The following PCDHGA5 variants were observed in gnomAD, a reference collection of about 807,000 sequenced individuals.
PCDHGA5 encodes protocadherin gamma-A5.
A neutral mutation model predicts 56.7 loss-of-function variants in PCDHGA5; 36 were observed. The ratio of observed to expected loss-of-function variants is 0.64; its 90% CI spans 0.49 to 0.84. The LOEUF is 0.84. Ranked by LOEUF, PCDHGA5 falls within the 40% of genes least tolerant of loss-of-function variation. The probability of loss-of-function intolerance (pLI) is 0.00; values close to 1 mark genes in which losing one functional copy is unlikely to be tolerated. For missense variants in PCDHGA5, 1,305 were observed against 1,201.5 expected (o/e 1.09, Z -1.27); for synonymous variants, 563 against 520.2 (o/e 1.08, Z -1.12).
intron 1 of PCDHGA5, chr5:141,397,890 A>G: frequency 3.2e-6 from 2 of 628,782 alleles, no homozygotes; most frequent in Non-Finnish European, 5.3e-6. Context: ...GCTGTTGGCC[A>G]AAGTGCAGAG....
chr5:141,426,629 T>G (rs1384012221), intron 1 of PCDHGA5: 4 of 397,284 alleles, frequency 1.0e-5, no homozygotes, highest in South Asian at 7.2e-5. Context: ...CTCTAAATGT[T>G]TTTCACATAA....
Position 141,477,649 on chromosome 5 carries a change from A to G in PCDHGA5, c.2422-17158A>G, listed in dbSNP as rs2099415032. 3.7e-6 allele frequency: 6 copies of G among 1,614,076 alleles called. No individual in the cohort carries two copies. Among genetic ancestry groups the G allele is most frequent in the Non-Finnish European group, 5.1e-6 (6 of 1,180,048 alleles). ...CCGGGCTAGTGGGTCGCTATTTCAC[A>G]ATAAATCGTGACAATGGCATAGTGT... On this transcript the variant is annotated intron_variant, in intron 1 of 3. Transcript: ENST00000518069. The surrounding 1 kb of genome is among the most constrained non-coding windows in gnomAD (Gnocchi z 4.9).
rs764976894 is a variant in PCDHGA5, at chr5:141,476,238, G to T, written c.2422-18569G>T. On this transcript the variant is annotated intron_variant, in intron 1 of 3. Transcript: ENST00000518069. The surrounding 1 kb of genome is among the most constrained non-coding windows in gnomAD (Gnocchi z 7.6). ...ATTCACTATGAGATCCCGGAGGAAA[G>T]AGAGAAGGGTTTCGCTGTGGGCAAC... is the stretch of plus-strand genomic sequence containing the variant. The T allele has an allele frequency of 3.1e-6, 5 of 1,614,098 alleles. No individual in the cohort carries two copies. The highest frequency in any genetic ancestry group is 4.2e-6 in the Non-Finnish European group (5 of 1,180,012).
At chr5:141,371,757 G>A in intron 1 of PCDHGA5, 1 of 1,614,002 alleles carries the variant, frequency 6.2e-7, no homozygotes, top group East Asian at 2.2e-5. Flanking sequence ...TTTCCACCAG[G>A]CCTCCTACAC....
At chr5:141,497,768 G>A (rs920949258) in intron 2 of PCDHGA5, among the ~76,000 whole-genome samples, 8 of 152,070 alleles carry the variant, frequency 5.3e-5, no homozygotes, top group East Asian at 1.9e-4. Flanking sequence ...CAAACTCCCC[G>A]ACCTCAACTG....
chr5:141,408,431 G>A, intron 1 of PCDHGA5: 1 of 1,614,064 alleles, frequency 6.2e-7, no homozygotes. Flanking sequence ...GCACTTCAGC[G>A]TAGACGCGGA....
intron 1 of PCDHGA5, among the ~76,000 whole-genome samples, chr5:141,381,049 T>C (rs1384350654): frequency 2.0e-5 from 3 of 152,252 alleles, no homozygotes; most frequent in Admixed American, 2.0e-4. Context: ...TTATCTACTT[T>C]GTGAATGCAA....
chr5:141,367,025 G>T, intron 1 of PCDHGA5: 2 of 394,068 alleles, frequency 5.1e-6, no homozygotes, highest in Non-Finnish European at 9.0e-6. Context: ...TTGTTATATT[G>T]GAACTGCAGT....
chr5:141,371,501 C>G, intron 1 of PCDHGA5: 1 of 1,613,882 alleles, frequency 6.2e-7, no homozygotes, highest in South Asian at 1.1e-5. Context: ...TTGCCCTGAT[C>G]AAAACACATG....
intron 1 of PCDHGA5, chr5:141,389,444 C>T: frequency 6.2e-7 from 1 of 1,610,564 alleles, no homozygotes; most frequent in South Asian, 1.1e-5. Flanking sequence ...CCTTCGACCA[C>T]GAGCAGCTGC....
intron 1 of PCDHGA5, chr5:141,442,197 A>G (rs1267971703): frequency 1.3e-5 from 2 of 153,426 alleles, no homozygotes; most frequent in African/African-American, 4.8e-5. Context: ...ATTAATTTAT[A>G]TCTGGTGATT....
chr5:141,399,627 CG>C (rs2093851448), intron 1 of PCDHGA5: 1 of 1,613,906 alleles, frequency 6.2e-7, no homozygotes, highest in Non-Finnish European at 8.5e-7. Context: ...TGGCCTCTTA[CG>C]TGTCCATGAG....
At chr5:141,464,279 C>CAA (rs373828487) in intron 1 of PCDHGA5, among the ~76,000 whole-genome samples, 8,568 of 137,664 alleles carry the variant, frequency 0.062, 499 homozygotes, top group African/African-American at 0.16. Context: ...AAAAAAAAAG[C>CAA]AAAAAAAAAA....
At position 141,399,943 on chromosome 5, in the gene PCDHGA5, C is replaced by A. The variant is rs1334013330; in HGVS notation, c.2421+33192C>A. On this transcript the variant is annotated intron_variant, in intron 1 of 3. Coordinates refer to ENST00000518069, the MANE Select transcript of PCDHGA5 (RefSeq NM_018918.3). Reference sequence around the variant, plus strand: ...CGCCTGGCTGTCCTACCACGTGCTGCAGGCTAGCGAGCCCGGGCTCTTCAG... The same window carrying A: ...CGCCTGGCTGTCCTACCACGTGCTGAAGGCTAGCGAGCCCGGGCTCTTCAG... The A allele has an allele frequency of 3.7e-6, 6 of 1,612,294 alleles. 1 individual carries two copies. The Admixed American group carries it at 1.0e-4, about 27-fold the overall frequency.
chr5:141,467,715 G>C (rs904101145), intron 1 of PCDHGA5, among the ~76,000 whole-genome samples: 1 of 152,022 alleles, frequency 6.6e-6, no homozygotes, highest in Non-Finnish European at 1.5e-5. Flanking sequence ...AGGCTGGAGT[G>C]TAGTGGCACA....
chr5:141,376,721 C>T (rs938507888), intron 1 of PCDHGA5: 2 of 596,528 alleles, frequency 3.4e-6, no homozygotes, highest in Admixed American at 3.5e-5. Context: ...GCTCTGTCGC[C>T]CAGGCCGGAC....
intron 1 of PCDHGA5, chr5:141,399,623 C>A: frequency 6.2e-7 from 1 of 1,613,920 alleles, no homozygotes; most frequent in South Asian, 1.1e-5. Context: ...GCACTGGCCT[C>A]TTACGTGTCC....
At chr5:141,434,536 T>C (rs1037347477) in intron 1 of PCDHGA5, among the ~76,000 whole-genome samples, 7 of 152,186 alleles carry the variant, frequency 4.6e-5, no homozygotes, top group Non-Finnish European at 8.8e-5. Context: ...CCACAAACAA[T>C]AGCATGAGTG....
At position 141,375,341 on chromosome 5, in the gene PCDHGA5, A is replaced by C. The variant is rs1378038175; in HGVS notation, c.2421+8590A>C. ...CCGGGAAGAGGTATTCTTGTACAAC[A>C]TCACTGTGACAGCCACGGACAAAGG... On this transcript the variant is annotated intron_variant, in intron 1 of 3. Transcript: ENST00000518069. 4.3e-6 allele frequency: 7 copies of C among 1,613,856 alleles called. No individual in the cohort carries two copies. Among genetic ancestry groups the C allele is most frequent in the South Asian group, 2.2e-5 (2 of 91,080 alleles).
Sources: gnomAD v4.1 joint callset for allele counts (sites outside exome capture counted in the v4.1 genomes callset) on GRCh38, gnomAD v4.1.1 for gene constraint, Gnocchi (gnomAD v3.1) non-coding constraint, MANE v1.5 for transcripts, NCBI Gene and HGNC (gene_info 2026-07-23, HGNC 2026-07-21) for gene names.